PDE3B: variants seen among roughly 807,000 people sequenced by gnomAD.
The protein encoded by PDE3B is phosphodiesterase 3B.
Under a neutral mutation model 116.8 loss-of-function variants are expected in PDE3B, and 66 were observed. That is an observed-to-expected ratio of 0.56 (90% confidence interval 0.46 to 0.69). PDE3B has a LOEUF of 0.69. PDE3B is among the 30% of genes least tolerant of loss of function. The pLI, the probability that PDE3B is intolerant of heterozygous loss-of-function variation, is 0.00. For missense variants in PDE3B, 1,384 were observed against 1,368.1 expected (o/e 1.01, Z -0.18); for synonymous variants, 595 against 533.6 (o/e 1.12, Z -1.59).
At chr11:14,835,447 T>G (rs201585111) in intron 11 of PDE3B, among the ~76,000 whole-genome samples, 1 of 151,446 alleles carries the variant, frequency 6.6e-6, no homozygotes, top group Admixed American at 6.6e-5. Flanking sequence ...TAAAAAAAAT[T>G]TTTTTTTTGT....
chr11:14,889,080 C>T, the PDE3B span, among the ~76,000 whole-genome samples: 25 of 151,752 alleles, frequency 1.6e-4, no homozygotes, highest in African/African-American at 6.0e-4. Context: ...TTTCAAGAAT[C>T]ACAAAGCAGA....
At chr11:14,779,166 T>C (rs1263641647) in intron 2 of PDE3B, among the ~76,000 whole-genome samples, 4 of 152,126 alleles carry the variant, frequency 2.6e-5, no homozygotes, top group Non-Finnish European at 5.9e-5. Context: ...TATGGGACTA[T>C]ATGAAAAGAC....
intron 1 of PDE3B, among the ~76,000 whole-genome samples, chr11:14,714,357 T>G (rs1040986065): frequency 6.6e-6 from 1 of 152,078 alleles, no homozygotes; most frequent in Non-Finnish European, 1.5e-5. Context: ...AGTTATGAAA[T>G]AGCAAAGGTT....
intron 1 of PDE3B, among the ~76,000 whole-genome samples, chr11:14,710,254 G>C (rs1413665541): frequency 6.6e-6 from 1 of 152,186 alleles, no homozygotes; most frequent in Non-Finnish European, 1.5e-5. Flanking sequence ...TAAAGGTCTA[G>C]TGTGGGCTCT....
In PDE3B at chr11:14,847,854, C is replaced by G. The variant is rs1310477503; in HGVS notation, c.2520+3828C>G. Among the ~76,000 whole-genome samples, 5 of 152,170 alleles carry G rather than the reference C, an allele frequency of 3.3e-5. No homozygotes were observed. The East Asian group carries it at 9.7e-4, about 29-fold the overall frequency. On this transcript the variant is annotated intron_variant, in intron 12 of 15. Coordinates refer to ENST00000282096, the MANE Select transcript of PDE3B (RefSeq NM_000922.4). The stretch of plus-strand genomic sequence containing the variant: ...AATTGTGGCAATAATCAATAGCTTA[C>G]CAACCAAAAAGAGTCCAGGACCAGA...
intron 1 of PDE3B, among the ~76,000 whole-genome samples, chr11:14,741,958 C>T (rs538792475): frequency 4.6e-5 from 7 of 151,396 alleles, no homozygotes; most frequent in East Asian, 1.9e-4. Flanking sequence ...CCGAGAGATC[C>T]GCTGTTAGTC....
intron 11 of PDE3B, among the ~76,000 whole-genome samples, chr11:14,843,024 A>G (rs1285058692): frequency 6.6e-6 from 1 of 152,180 alleles, no homozygotes; most frequent in Non-Finnish European, 1.5e-5. Flanking sequence ...CTGTGGTTTT[A>G]TGTGTCTACT....
Position 14,840,359 on chromosome 11 carries a change from T to A in PDE3B, c.2321-3468T>A, listed in dbSNP as rs190178150. The stretch of plus-strand genomic sequence containing the variant: ...TGGCCATGGGCACTAGATTACCATG[T>A]TACCTGCCCATAATGAATTTGGGGC... On this transcript the variant is annotated intron_variant, in intron 11 of 15. Transcript: ENST00000282096. 2.0e-5 allele frequency among the ~76,000 whole-genome samples: 3 copies of A among 152,352 alleles called. No homozygotes were observed. In the East Asian group the frequency reaches 5.8e-4, roughly 29 times the overall value.
At chr11:14,682,119 A>G (rs1192065276) in intron 1 of PDE3B, among the ~76,000 whole-genome samples, 1 of 152,222 alleles carries the variant, frequency 6.6e-6, no homozygotes, top group East Asian at 1.9e-4. Flanking sequence ...GGATTATCAT[A>G]AAGGTCTTCA....
At chr11:14,666,611 C>G (rs1330205253) in intron 1 of PDE3B, among the ~76,000 whole-genome samples, 1 of 151,650 alleles carries the variant, frequency 6.6e-6, no homozygotes, top group Non-Finnish European at 1.5e-5. Flanking sequence ...ACCCCATCAA[C>G]AAGTGGGTGA....
the PDE3B span, among the ~76,000 whole-genome samples, chr11:14,893,606 A>ACATTCCTTGGCTTTCGTCCC: frequency 3.3e-5 from 5 of 152,150 alleles, no homozygotes; most frequent in Non-Finnish European, 5.9e-5. Flanking sequence ...GAGGCTGCCC[A>ACATTCCTTGGCTTTCGTCCC]CATTCCTTGG....
At chr11:14,778,445 C>T (rs1035045327) in intron 2 of PDE3B, among the ~76,000 whole-genome samples, 8 of 152,088 alleles carry the variant, frequency 5.3e-5, no homozygotes, top group Admixed American at 2.0e-4. Flanking sequence ...CTCATACGGC[C>T]GGGCGCCCCT....
chr11:14,747,228 A>G (rs1856933487), intron 1 of PDE3B, among the ~76,000 whole-genome samples: 1 of 152,192 alleles, frequency 6.6e-6, no homozygotes, highest in African/African-American at 2.4e-5. Flanking sequence ...GTCACCTCCC[A>G]GCAGGCCCCA....
intron 11 of PDE3B, among the ~76,000 whole-genome samples, chr11:14,836,837 TCTCA>T (rs1410107886): frequency 6.6e-6 from 1 of 152,198 alleles, no homozygotes; most frequent in African/African-American, 2.4e-5. Flanking sequence ...GGAGACGGTG[TCTCA>T]CTCAGTCACC....
At chr11:14,856,137 T>C (rs138722059) in intron 12 of PDE3B, among the ~76,000 whole-genome samples, 5 of 152,144 alleles carry the variant, frequency 3.3e-5, no homozygotes, top group Non-Finnish European at 5.9e-5. Context: ...TGTCATGAGA[T>C]CTGATGGTTT....
intron 2 of PDE3B, among the ~76,000 whole-genome samples, chr11:14,777,560 T>C (rs1857824997): frequency 6.6e-6 from 1 of 152,194 alleles, no homozygotes; most frequent in Non-Finnish European, 1.5e-5. Flanking sequence ...AGCAGATTTC[T>C]CATTTAAAAC....
At position 14,867,772 on chromosome 11, in the gene PDE3B, G is replaced by T. The variant is rs782246539; in HGVS notation, c.3139+14G>T. 9 of 1,585,458 alleles carry T rather than the reference G, an allele frequency of 5.7e-6. No individual in the cohort carries two copies. Among genetic ancestry groups the T allele is most frequent in the Admixed American group, 3.4e-5 (2 of 59,500 alleles). ...ATCTAAATCCAAGTAAGAATATAGG[G>T]ACATTATAATTTATTTAATGTTATA... On this transcript the variant is annotated intron_variant, in intron 15 of 15. Coordinates refer to ENST00000282096, the MANE Select transcript of PDE3B (RefSeq NM_000922.4).
chr11:14,708,601 C>T (rs922684952), intron 1 of PDE3B, among the ~76,000 whole-genome samples: 1 of 151,944 alleles, frequency 6.6e-6, no homozygotes, highest in African/African-American at 2.4e-5. Flanking sequence ...CAAAATTGTA[C>T]TAGTACAGTA....
rs1377338606 is a variant in PDE3B, at chr11:14,684,311, G to A, written c.978+39258G>A. 4.6e-5 allele frequency among the ~76,000 whole-genome samples: 7 copies of A among 152,168 alleles called. No homozygotes were observed. In the East Asian group the frequency reaches 9.6e-4, roughly 21 times the overall value. On this transcript the variant is annotated intron_variant, in intron 1 of 15. Transcript: ENST00000282096. ...GCTGGGCCTCTGGGGATGACATCAC[G>A]TATCGGTAGGACCATGATGCCTACC...
Sources: gnomAD v4.1 joint callset for allele counts (sites outside exome capture counted in the v4.1 genomes callset) on GRCh38, gnomAD v4.1.1 for gene constraint, MANE v1.5 for transcripts, NCBI Gene and HGNC (gene_info 2026-07-23, HGNC 2026-07-21) for gene names.